SCN8A: variants seen among roughly 807,000 people sequenced by gnomAD.
The protein encoded by SCN8A is sodium channel protein type 8 subunit alpha.
SCN8A carries 30 observed loss-of-function variants against 184.1 expected under a neutral mutation model. The observed-to-expected ratio is 0.16, with a 90% CI of 0.12 to 0.22. The LOEUF (loss-of-function observed/expected upper bound fraction) is 0.22. SCN8A is among the 10% of genes least tolerant of loss of function. The probability of loss-of-function intolerance (pLI) is 1.00; values close to 1 mark genes in which losing one functional copy is unlikely to be tolerated. For missense variants in SCN8A, 1,057 were observed against 2,498.9 expected (o/e 0.42, Z 12.30); for synonymous variants, 852 against 907.0 (o/e 0.94, Z 1.09).
In SCN8A at chr12:51,769,332, A is replaced by G; in HGVS notation, c.3369A>G (p.Lys1123=). ...VSSESDPEGS[K]DKLDDTSSSE... ...GCGAGTCGGATCCTGAAGGCAGCAA[A>G]GATGTAAGGTCCCAGCCTAGAAACA... Residue 1123 remains lysine, a synonymous_variant, in exon 17 of 27, where the codon AAA becomes AAG. Transcript: ENST00000627620. 6.3e-7 allele frequency: 1 copy of G among 1,579,548 alleles called. No homozygotes were observed. Among genetic ancestry groups the G allele is most frequent in the South Asian group, 1.2e-5 (1 of 84,870 alleles).
chr12:51,653,423 A>G (rs1432926164), intron 1 of SCN8A, among the ~76,000 whole-genome samples: 1 of 152,208 alleles, frequency 6.6e-6, no homozygotes, highest in Non-Finnish European at 1.5e-5. Context: ...GTGGAATCAT[A>G]CAATATTTGT....
At chr12:51,804,971 C>T (rs562590551) in intron 26 of SCN8A, among the ~76,000 whole-genome samples, 1 of 152,200 alleles carries the variant, frequency 6.6e-6, no homozygotes, top group South Asian at 2.1e-4. Context: ...ATAAGTAAGA[C>T]ATCAAAGTTA....
intron 14 of SCN8A, among the ~76,000 whole-genome samples, chr12:51,752,149 A>G (rs1942605569): frequency 6.6e-6 from 1 of 152,222 alleles, no homozygotes; most frequent in African/African-American, 2.4e-5. Flanking sequence ...TTTAAAAAAA[A>G]TAGATTACAA....
chr12:51,675,623 A>G (rs1941210173), intron 2 of SCN8A, among the ~76,000 whole-genome samples: 1 of 152,204 alleles, frequency 6.6e-6, no homozygotes, highest in African/African-American at 2.4e-5. Context: ...GCTCCTGCTC[A>G]CTAGTGCTGT....
intron 1 of SCN8A, among the ~76,000 whole-genome samples, chr12:51,640,253 T>A (rs1310840957): frequency 1.1e-4 from 12 of 104,752 alleles, no homozygotes; most frequent in East Asian, 3.2e-4. Flanking sequence ...TTTTTTTTTT[T>A]AAGACAGTGC....
At chr12:51,787,379 G>A (rs752318712) in intron 22 of SCN8A, among the ~76,000 whole-genome samples, 37 of 152,026 alleles carry the variant, frequency 2.4e-4, no homozygotes, top group African/African-American at 6.0e-4. Context: ...TCATTCTTTC[G>A]TGCTTAGTTT....
At chr12:51,668,929 T>C (rs1294447767) in intron 2 of SCN8A, among the ~76,000 whole-genome samples, 1 of 152,204 alleles carries the variant, frequency 6.6e-6, no homozygotes, top group African/African-American at 2.4e-5. Context: ...TGTTTGAATG[T>C]CACAGAGTGT....
At chr12:51,694,792 C>T (rs1007316058) in intron 6 of SCN8A, among the ~76,000 whole-genome samples, 2 of 152,156 alleles carry the variant, frequency 1.3e-5, no homozygotes, top group African/African-American at 2.4e-5. Flanking sequence ...GTCAGGAATT[C>T]TACTAACAAC....
intron 14 of SCN8A, among the ~76,000 whole-genome samples, chr12:51,760,647 A>G (rs954470063): frequency 2.0e-5 from 3 of 152,240 alleles, no homozygotes; most frequent in Non-Finnish European, 4.4e-5. Context: ...GGTGAAATGT[A>G]TGTCAGGATT....
At chr12:51,759,451 G>A (rs980512172) in intron 14 of SCN8A, among the ~76,000 whole-genome samples, 9 of 152,296 alleles carry the variant, frequency 5.9e-5, no homozygotes, top group Non-Finnish European at 8.8e-5. Context: ...TCACATCCTG[G>A]GAGGATAGAG....
At chr12:51,638,434 C>T (rs577100287) in intron 1 of SCN8A, among the ~76,000 whole-genome samples, 1 of 151,614 alleles carries the variant, frequency 6.6e-6, no homozygotes. Flanking sequence ...TATCTGTCAT[C>T]TGTGAGAGGA....
At chr12:51,734,265 C>G (rs1000326769) in intron 12 of SCN8A, among the ~76,000 whole-genome samples, 1 of 152,158 alleles carries the variant, frequency 6.6e-6, no homozygotes, top group Non-Finnish European at 1.5e-5. Flanking sequence ...CACACACACA[C>G]AGAAATATAG....
chr12:51,612,695 G>A (rs1411480798), intron 1 of SCN8A, among the ~76,000 whole-genome samples: 2 of 152,082 alleles, frequency 1.3e-5, no homozygotes, highest in East Asian at 1.9e-4. Context: ...TGGTGGTGAT[G>A]TATTCTCCTA....
chr12:51,794,350 T>C (rs1441483826), intron 25 of SCN8A, 21 bp from the exon 26 acceptor site: 1 of 1,596,752 alleles, frequency 6.3e-7, no homozygotes, highest in Non-Finnish European at 8.5e-7. Context: ...TCTTTTATCT[T>C]TTCCTTCCCT....
intron 1 of SCN8A, 123 bp downstream of exon 1, chr12:51,591,482 G>A: frequency 6.5e-6 from 1 of 152,870 alleles, no homozygotes; most frequent in Non-Finnish European, 1.5e-5. Context: ...CAGAGTGCGC[G>A]GCGGGGCTCC....
intron 12 of SCN8A, among the ~76,000 whole-genome samples, chr12:51,724,676 G>A (rs1225358894): frequency 6.6e-6 from 1 of 152,180 alleles, no homozygotes; most frequent in Non-Finnish European, 1.5e-5. Flanking sequence ...CAGTAGAGTT[G>A]GGGCAATTCA....
intron 1 of SCN8A, among the ~76,000 whole-genome samples, chr12:51,639,690 G>A (rs1233213515): frequency 6.6e-6 from 1 of 151,932 alleles, no homozygotes; most frequent in Non-Finnish European, 1.5e-5. Context: ...CTTCATTGTT[G>A]TCTTATTTTA....
At chr12:51,595,985 A>G (rs1939340504) in intron 1 of SCN8A, among the ~76,000 whole-genome samples, 1 of 152,178 alleles carries the variant, frequency 6.6e-6, no homozygotes, top group African/African-American at 2.4e-5. Context: ...TCCATTCCCA[A>G]ACTACACTAG....
intron 1 of SCN8A, among the ~76,000 whole-genome samples, chr12:51,619,451 A>C (rs1051311798): frequency 1.3e-5 from 2 of 152,226 alleles, no homozygotes; most frequent in East Asian, 3.8e-4. Context: ...TGCTGGGCTA[A>C]TGATGTGTGT....
Sources: gnomAD v4.1 joint callset for allele counts (sites outside exome capture counted in the v4.1 genomes callset) on GRCh38, gnomAD v4.1.1 for gene constraint, MANE v1.5 for transcripts, NCBI Gene and HGNC (gene_info 2026-07-23, HGNC 2026-07-21) for gene names.